The following XPO1 variants were observed in gnomAD, a reference collection of about 807,000 sequenced individuals.
XPO1 encodes exportin-1.
Under a neutral mutation model 133.3 loss-of-function variants are expected in XPO1, and 5 were observed. That is an observed-to-expected ratio of 0.04 (90% CI 0.02 to 0.08). The LOEUF (loss-of-function observed/expected upper bound fraction) is 0.08, where lower values mean the gene tolerates loss of function less well. Ranked by LOEUF, XPO1 falls within the 10% of genes least tolerant of loss-of-function variation. XPO1 has a pLI of 1.00. For missense variants in XPO1, 506 were observed against 1,267.5 expected, an observed-to-expected ratio of 0.40 and a Z score of 9.12; for synonymous variants, 419 against 408.2, an observed-to-expected ratio of 1.03 and a Z score of -0.32.
chr2:61,498,574 A>T, intron 9 of XPO1, 99 bp downstream of exon 9: 1 of 1,461,854 alleles, frequency 6.8e-7, no homozygotes, highest in South Asian at 1.4e-5. Context: ...GTTAGAAACA[A>T]GGTTGAATAA....
chr2:61,484,316 T>C, intron 20 of XPO1: 1 of 485,492 alleles, frequency 2.1e-6, no homozygotes, highest in South Asian at 2.8e-5. Context: ...AGTTATCAAA[T>C]TGAAGGAGAA....
chr2:61,501,990 G>A lies in XPO1; in HGVS notation c.408+6C>T. The A allele has an allele frequency of 6.3e-7, 1 of 1,591,044 alleles. No homozygotes were observed. Among genetic ancestry groups the A allele is most frequent in the Non-Finnish European group, 8.6e-7 (1 of 1,166,552 alleles). On this transcript the variant is annotated splice_donor_region_variant and intron_variant, in intron 6 of 24. Transcript: ENST00000401558. The stretch of plus-strand genomic sequence containing the variant: ...TTCTAAGGAAAACAGTTAAGTTAAA[G>A]CTTACCTGAACAAGGATCATATTTA...
intron 4 of XPO1, among the ~76,000 whole-genome samples, chr2:61,518,737 G>A (rs1698536584): frequency 6.6e-6 from 1 of 152,088 alleles, no homozygotes; most frequent in South Asian, 2.1e-4. Flanking sequence ...AAACAGCCAA[G>A]TGTAATGTGG....
At chr2:61,497,694 T>C (rs1292583753) in intron 9 of XPO1, among the ~76,000 whole-genome samples, 4 of 152,106 alleles carry the variant, frequency 2.6e-5, no homozygotes, top group African/African-American at 7.2e-5. Flanking sequence ...TATGGGAAAA[T>C]TGGCTTATAT....
intron 4 of XPO1, among the ~76,000 whole-genome samples, chr2:61,508,639 CAAT>C (rs1240282003): frequency 2.0e-5 from 3 of 152,178 alleles, no homozygotes; most frequent in African/African-American, 7.2e-5. Flanking sequence ...ACTGGATACT[CAAT>C]GATAGCGTAA....
chr2:61,479,026 T>C lies in XPO1; in HGVS notation c.3070-60A>G, dbSNP rs1364123214. 4.5e-6 allele frequency: 7 copies of C among 1,572,522 alleles called. No homozygotes were observed. In the African/African-American group the frequency reaches 9.6e-5, roughly 22 times the overall value. On this transcript the variant is annotated intron_variant, in intron 24 of 24. Coordinates refer to ENST00000401558, the MANE Select transcript of XPO1 (RefSeq NM_003400.4). Reference sequence around the variant, plus strand: ...AAACTTCAACTTGCAAAGAAAGAAATCATAGATGAGCAATTTCCTTTTTAG... The same window carrying C: ...AAACTTCAACTTGCAAAGAAAGAAACCATAGATGAGCAATTTCCTTTTTAG...
intron 19 of XPO1, among the ~76,000 whole-genome samples, chr2:61,486,442 C>T (rs1249368945): frequency 7.1e-6 from 1 of 141,146 alleles, no homozygotes; most frequent in East Asian, 2.1e-4. Flanking sequence ...AAGATGGCAG[C>T]AAGCGAGCCC....
chr2:61,519,846 C>T (rs1698604198), intron 4 of XPO1, among the ~76,000 whole-genome samples: 1 of 152,100 alleles, frequency 6.6e-6, no homozygotes, highest in South Asian at 2.1e-4. Context: ...ACCTTTCCTT[C>T]CTTTAAAATA....
intron 23 of XPO1, 31 bp from the exon 24 acceptor site, chr2:61,481,312 G>C (rs957046423): frequency 6.5e-7 from 1 of 1,541,022 alleles, no homozygotes; most frequent in Non-Finnish European, 8.9e-7. Flanking sequence ...ATTAAATAAT[G>C]ATTTATTTTT....
intron 4 of XPO1, among the ~76,000 whole-genome samples, chr2:61,511,347 G>A (rs558989435): frequency 3.9e-5 from 6 of 152,098 alleles, no homozygotes; most frequent in South Asian, 4.2e-4. Flanking sequence ...GGCTGATCTC[G>A]AACTCCCAAC....
intron 24 of XPO1, among the ~76,000 whole-genome samples, chr2:61,479,360 G>A (rs1004824734): frequency 6.6e-6 from 1 of 151,998 alleles, no homozygotes; most frequent in Non-Finnish European, 1.5e-5. Context: ...GCTGAGGCAG[G>A]AGAATCACTT....
chr2:61,489,016 G>A lies in XPO1; in HGVS notation c.2023-245C>T, dbSNP rs559450076. 1.1e-4 allele frequency among the ~76,000 whole-genome samples: 16 copies of A among 151,960 alleles called. No individual in the cohort carries two copies. The South Asian group carries it at 2.3e-3, about 22-fold the overall frequency. On this transcript the variant is annotated intron_variant, in intron 17 of 24. Coordinates refer to ENST00000401558, the MANE Select transcript of XPO1 (RefSeq NM_003400.4). Reference sequence around the variant, plus strand: ...ACTCGGGAGGTTGAGGCAGGAGAACGGCGTGAACGCTAGAGATGGAGTTTG... The same window carrying A: ...ACTCGGGAGGTTGAGGCAGGAGAACAGCGTGAACGCTAGAGATGGAGTTTG...
intron 4 of XPO1, among the ~76,000 whole-genome samples, chr2:61,513,605 G>A (rs1017238311): frequency 2.6e-5 from 4 of 152,100 alleles, no homozygotes; most frequent in Admixed American, 6.5e-5. Flanking sequence ...AATTACAGGC[G>A]TGAGCCACTG....
intron 2 of XPO1, among the ~76,000 whole-genome samples, chr2:61,528,201 C>T (rs892763607): frequency 7.2e-5 from 11 of 151,820 alleles, no homozygotes; most frequent in African/African-American, 2.7e-4. Context: ...GCTGGGATTA[C>T]ACCTTTGTTC....
chr2:61,502,449 G>A (rs1697574511), intron 4 of XPO1, 139 bp from the exon 5 acceptor site: 4 of 843,650 alleles, frequency 4.7e-6, no homozygotes, highest in Non-Finnish European at 7.1e-6. Flanking sequence ...CACCAGTATT[G>A]GCATTTTAAA....
intron 4 of XPO1, among the ~76,000 whole-genome samples, chr2:61,520,163 A>G (rs760185265): frequency 3.9e-5 from 6 of 152,228 alleles, no homozygotes; most frequent in Admixed American, 2.0e-4. Flanking sequence ...AGCTACAGCA[A>G]AAAGCAAAGC....
chr2:61,518,356 T>A (rs1698501384), intron 4 of XPO1, among the ~76,000 whole-genome samples: 1 of 147,960 alleles, frequency 6.8e-6, no homozygotes, highest in African/African-American at 2.5e-5. Context: ...ATCGAGACCA[T>A]CCTGGCTAAC....
At chr2:61,521,955 G>T (rs777836537) in intron 4 of XPO1, among the ~76,000 whole-genome samples, 1 of 151,998 alleles carries the variant, frequency 6.6e-6, no homozygotes. Flanking sequence ...ACAGGGTCTC[G>T]CTATGTTACC....
chr2:61,486,430 G>A (rs986529358), intron 19 of XPO1, among the ~76,000 whole-genome samples: 1 of 151,254 alleles, frequency 6.6e-6, no homozygotes, highest in African/African-American at 2.4e-5. Flanking sequence ...TACTGTATAT[G>A]TAAGATGGCA....
Sources: allele counts gnomAD v4.1 joint callset (sites outside exome capture counted in the v4.1 genomes callset), GRCh38; gene constraint gnomAD v4.1.1; transcripts MANE v1.5; gene names NCBI Gene and HGNC (gene_info 2026-07-23, HGNC 2026-07-21).